Variants in SIDT2 observed in about 807,000 individuals in gnomAD.
SIDT2 encodes SID1 transmembrane family, member 2.
SIDT2 carries 68 observed loss-of-function variants against 114.4 expected under a neutral mutation model. The observed-to-expected ratio is 0.59, with a 90% CI of 0.49 to 0.73. SIDT2 has a LOEUF of 0.73. SIDT2 is among the 30% of genes least tolerant of loss of function. The pLI is 0.00. For synonymous variants in SIDT2, 470 were observed against 438.4 expected (o/e 1.07, Z -0.90); for missense variants, 918 against 1,097.1 (o/e 0.84, Z 2.31).
At chr11:117,189,624 C>T (rs2030627915) in intron 15 of SIDT2, 1 of 609,222 alleles carries the variant, frequency 1.6e-6, no homozygotes, top group East Asian at 2.8e-5. Context: ...AAAGATAGCC[C>T]CTCCCTGGTT....
rs2134256786 is a variant in SIDT2 at position 117,190,119 on chromosome 11, G to A, written c.1494-47G>A. On this transcript the variant is annotated intron_variant, in intron 16 of 25. Coordinates refer to ENST00000324225, the MANE Select transcript of SIDT2 (RefSeq NM_001040455.2). This position sits in a 1 kb window ranked among gnomAD's most constrained non-coding sequence, Gnocchi z 4.1. ...AATGCCCACGTGGGCTAGGGAAGAG[G>A]CCTGGGTGTGAGTCCCAAGCAGTCT... is the stretch of plus-strand genomic sequence containing the variant. 3.1e-6 allele frequency: 5 copies of A among 1,609,642 alleles called. No individual in the cohort carries two copies. The East Asian group carries it at 1.1e-4, about 36-fold the overall frequency.
In SIDT2 at chr11:117,189,380, G is replaced by A; in HGVS notation, c.1398G>A (p.Gln466=). 6.2e-7 allele frequency: 1 copy of A among 1,614,110 alleles called. No individual in the cohort carries two copies. The highest frequency in any genetic ancestry group is 8.5e-7 in the Non-Finnish European group (1 of 1,179,988). Residue 466 remains glutamine (Q), a synonymous_variant, in exon 15 of 26, where the codon CAG becomes CAA. Transcript: ENST00000324225. The part of the protein sequence containing the change: ...IAVFYALPVV[Q]LVITYQTVVN... The stretch of plus-strand genomic sequence containing the variant: ...TCTTCTATGCCCTTCCTGTGGTGCA[G>A]CTGGTGATCACCTACCAGACGGTGA...
chr11:117,184,180 T>A, intron 8 of SIDT2, 41 bp downstream of exon 8: 1 of 1,597,300 alleles, frequency 6.3e-7, no homozygotes, highest in South Asian at 1.1e-5. Flanking sequence ...GACAAGCCTC[T>A]CTGGCTCCTG....
intron 24 of SIDT2, 33 bp from the exon 25 acceptor site, chr11:117,195,769 G>T: frequency 6.2e-7 from 1 of 1,612,838 alleles, no homozygotes; most frequent in Non-Finnish European, 8.5e-7. Flanking sequence ...CCAGAGCAGG[G>T]TCATTCGGCA....
At chr11:117,187,290 G>C (rs987581748) in intron 10 of SIDT2, 88 bp from the exon 11 acceptor site, 1 of 1,321,674 alleles carries the variant, frequency 7.6e-7, no homozygotes, top group Non-Finnish European at 1.1e-6. Flanking sequence ...CCCTGTGGCT[G>C]TCTTCTCTGG....
chr11:117,187,537 C>T, intron 11 of SIDT2, 88 bp downstream of exon 11: 1 of 1,588,424 alleles, frequency 6.3e-7, no homozygotes, highest in South Asian at 1.1e-5. Context: ...GTGGGAGCCA[C>T]CTCCTCCAGC....
chr11:117,188,009 GT>G lies in SIDT2; in HGVS notation c.1159+312del, dbSNP rs1404489892. The G allele has an allele frequency of 1.7e-6, 1 of 591,600 alleles. No individual in the cohort carries two copies. The highest frequency in any genetic ancestry group is 3.2e-6 in the Non-Finnish European group (1 of 313,878). The allele number at this position is 591,600 out of a possible 1,614,324, so 36.6% of individuals were successfully genotyped here. A position where few individuals can be genotyped will look rare whatever the true frequency, so the allele number is the denominator to read the frequency against. ...TGCCAATCAGTGCCTGCCGGCTCCG[GT>G]TGACTGCCGGCTGTGGGGCCAGAAA... is the stretch of plus-strand genomic sequence containing the variant. On this transcript the variant is annotated intron_variant, in intron 12 of 25. Transcript: ENST00000324225. The surrounding 1 kb of genome is among the most constrained non-coding windows in gnomAD (Gnocchi z 4.0).
At chr11:117,186,733 TG>T in intron 10 of SIDT2, 97 bp downstream of exon 10, 2 of 705,860 alleles carry the variant, frequency 2.8e-6, no homozygotes, top group African/African-American at 2.2e-5. Context: ...GAGGAAGGGC[TG>T]GGGGTTTCTG....
chr11:117,182,453 C>A (rs2134248778), intron 4 of SIDT2, 66 bp from the exon 5 acceptor site: 1 of 1,437,328 alleles, frequency 7.0e-7, no homozygotes, highest in South Asian at 1.2e-5. Flanking sequence ...GGGACTATTC[C>A]CTTCTAGAGG....
At position 117,196,225 on chromosome 11, in the gene SIDT2, C is replaced by A; in HGVS notation, c.*159C>A. 2 of 960,382 alleles carry A rather than the reference C, an allele frequency of 2.1e-6. No homozygotes were observed. Among genetic ancestry groups the A allele is most frequent in the Non-Finnish European group, 3.1e-6 (2 of 651,718 alleles). The allele number at this position is 960,382 out of a possible 1,614,324, so 59.5% of individuals were successfully genotyped here. Reference sequence around the variant, plus strand: ...CTAGCTTAGGCTTGGCCTGGGACAGCCATGGGGTGGCATGGAACCTTGCAG... The same window carrying A: ...CTAGCTTAGGCTTGGCCTGGGACAGACATGGGGTGGCATGGAACCTTGCAG... On this transcript the variant is annotated 3_prime_UTR_variant, in exon 26 of 26. Transcript: ENST00000324225. The surrounding 1 kb of genome is among the most constrained non-coding windows in gnomAD (Gnocchi z 4.9).
At position 117,179,113 on chromosome 11, in the gene SIDT2, G is replaced by A. The variant is rs989736635; in HGVS notation, c.-151G>A. Reference sequence around the variant, plus strand: ...AGCCTCTTCGGGGCTCTTGGGAGGGGACATTTCCTAATCTCAGGCCGGGGT... The same window carrying A: ...AGCCTCTTCGGGGCTCTTGGGAGGGAACATTTCCTAATCTCAGGCCGGGGT... On this transcript the variant is annotated 5_prime_UTR_variant, in exon 1 of 26. Transcript: ENST00000324225. 9.2e-6 allele frequency: 7 copies of A among 764,352 alleles called. No homozygotes were observed. The highest frequency in any genetic ancestry group is 1.8e-5 in the South Asian group (1 of 54,892). The allele number at this position is 764,352 out of a possible 1,614,324, so 47.3% of individuals were successfully genotyped here.
At chr11:117,183,703 TG>T in intron 6 of SIDT2, 75 bp from the exon 7 acceptor site, 1 of 1,065,268 alleles carries the variant, frequency 9.4e-7, no homozygotes, top group Non-Finnish European at 1.4e-6. Context: ...GCATAATGTC[TG>T]GCCCCAGAAC....
chr11:117,186,010 T>G, intron 8 of SIDT2, 120 bp from the exon 9 acceptor site: 3 of 773,900 alleles, frequency 3.9e-6, no homozygotes, highest in Non-Finnish European at 6.5e-6. Flanking sequence ...GGGCCTTACA[T>G]TTGAGGGGAG....
intron 24 of SIDT2, among the ~76,000 whole-genome samples, chr11:117,194,770 C>T (rs996538212): frequency 6.6e-5 from 10 of 152,058 alleles, no homozygotes; most frequent in African/African-American, 1.2e-4. Context: ...GGAAAAAGTG[C>T]GCCTTGTTCT....
At position 117,178,972 on chromosome 11, in the gene SIDT2, G is replaced by T. The variant is rs2030137519; in HGVS notation, c.-292G>T. On this transcript the variant is annotated 5_prime_UTR_variant, in exon 1 of 26. Coordinates refer to ENST00000324225, the MANE Select transcript of SIDT2 (RefSeq NM_001040455.2). ...CTCCTTCTCACGGCCCTGGCCCGGG[G>T]CTCCAGGGTCTCAGGTCGTACTCAG... 2.7e-6 allele frequency: 1 copy of T among 366,638 alleles called. No individual in the cohort carries two copies. Among genetic ancestry groups the T allele is most frequent in the African/African-American group, 2.1e-5 (1 of 47,690 alleles). 22.7% of individuals were successfully genotyped at this position (366,638 alleles called of 1,614,324 possible).
chr11:117,192,104 G>T lies in SIDT2; in HGVS notation c.1872+90G>T. 2 of 1,583,908 alleles carry T rather than the reference G, an allele frequency of 1.3e-6. No individual in the cohort carries two copies. The highest frequency in any genetic ancestry group is 8.6e-7 in the Non-Finnish European group (1 of 1,160,536). On this transcript the variant is annotated intron_variant, in intron 19 of 25. Coordinates refer to ENST00000324225, the MANE Select transcript of SIDT2 (RefSeq NM_001040455.2). The surrounding 1 kb of genome is among the most constrained non-coding windows in gnomAD (Gnocchi z 5.9). ...TAGTGCACACCCTCCGCCACCTCCT[G>T]CATGAGAGATTCCTGCTCCTTCCCT...
intron 18 of SIDT2, chr11:117,191,601 G>T: frequency 2.4e-6 from 1 of 424,262 alleles, no homozygotes; most frequent in South Asian, 3.8e-5. Flanking sequence ...ATAAAAGGGA[G>T]TCCCTGATCT....
chr11:117,193,890 T>G lies in SIDT2; in HGVS notation c.2249T>G (p.Leu750Arg). ...GAGAGGATCAAGCTCATCCCCCTGC[T>G]CTGCATCGTTTGCACCTCCGTGGTC... is the stretch of plus-strand genomic sequence containing the variant. ...SGERIKLIPLLCIVCTSVVWG... is the reference protein window; with the variant it reads ...SGERIKLIPLRCIVCTSVVWG... The change falls in exon 24 of 26, where the codon CTC (leucine) becomes CGC (arginine). Residue 750 changes from leucine to arginine, a missense_variant. By Grantham distance (102) the Leu-to-Arg change is moderately radical. This residue lies in a region of SIDT2 where 275 missense variants were observed against 397.6 expected (regional missense o/e 0.69). Coordinates refer to ENST00000324225, the MANE Select transcript of SIDT2 (RefSeq NM_001040455.2). 1 of 1,614,140 alleles carries G rather than the reference T, an allele frequency of 6.2e-7. No individual in the cohort carries two copies. Among genetic ancestry groups the G allele is most frequent in the Non-Finnish European group, 8.5e-7 (1 of 1,180,024 alleles).
chr11:117,191,775 G>C (rs1185490285), intron 18 of SIDT2, 103 bp from the exon 19 acceptor site: 2 of 1,483,516 alleles, frequency 1.3e-6, no homozygotes, highest in African/African-American at 2.8e-5. Context: ...GGCCGTGGTG[G>C]GGCACCAGGG....
Sources: allele counts gnomAD v4.1 joint callset (sites outside exome capture counted in the v4.1 genomes callset), GRCh38; gene constraint gnomAD v4.1.1; regional missense constraint gnomAD v4.1.1; non-coding constraint Gnocchi (gnomAD v3.1); transcripts MANE v1.5; gene names NCBI Gene and HGNC (gene_info 2026-07-23, HGNC 2026-07-21).